Variants in COL14A1 observed in about 807,000 individuals in gnomAD.
COL14A1 encodes collagen type XIV alpha 1 chain.
COL14A1 carries 136 observed loss-of-function variants against 230.3 expected under a neutral mutation model. The ratio of observed to expected loss-of-function variants is 0.59; its 90% CI spans 0.51 to 0.68. The LOEUF is 0.68. Ranked by LOEUF, COL14A1 falls within the 30% of genes least tolerant of loss-of-function variation. The pLI is 0.00. For synonymous variants in COL14A1, 792 were observed against 784.1 expected, an observed-to-expected ratio of 1.01 and a Z score of -0.17; for missense variants, 1,976 against 2,215.8, an observed-to-expected ratio of 0.89 and a Z score of 2.17.
intron 5 of COL14A1, among the ~76,000 whole-genome samples, chr8:120,193,435 G>A (rs949512123): frequency 6.6e-6 from 1 of 152,182 alleles, no homozygotes; most frequent in Non-Finnish European, 1.5e-5. Flanking sequence ...AACAGGCCAT[G>A]TGAGGTGTCA....
Position 120,298,238 on chromosome 8 carries a change from G to A in COL14A1, c.4314+650G>A, listed in dbSNP as rs113845131. Among the ~76,000 whole-genome samples the A allele has an allele frequency of 2.9e-3, 445 of 151,918 alleles. 3 individuals are homozygous for A. The highest frequency in any genetic ancestry group is 0.01 in the Middle Eastern group (3 of 294). Reference sequence around the variant, plus strand: ...TGCAAAATCTAATGTTGAAACTGCAGACTACCTTGAGCCTGTCATTCACAC... The same window carrying A: ...TGCAAAATCTAATGTTGAAACTGCAAACTACCTTGAGCCTGTCATTCACAC... On this transcript the variant is annotated intron_variant, in intron 35 of 47. Transcript: ENST00000297848.
At chr8:120,363,158 C>G (rs541374653) in intron 45 of COL14A1, among the ~76,000 whole-genome samples, 1 of 152,226 alleles carries the variant, frequency 6.6e-6, no homozygotes, top group African/African-American at 2.4e-5. Flanking sequence ...CTATTCACAA[C>G]AGCAAAGACA....
At chr8:120,366,337 A>G (rs1017369590) in intron 45 of COL14A1, among the ~76,000 whole-genome samples, 1 of 152,204 alleles carries the variant, frequency 6.6e-6, no homozygotes, top group Non-Finnish European at 1.5e-5. Flanking sequence ...CTCAGTAGGT[A>G]TAATTAAACA....
chr8:120,350,352 C>T (rs1822704090), intron 45 of COL14A1, among the ~76,000 whole-genome samples: 1 of 141,562 alleles, frequency 7.1e-6, no homozygotes, highest in Non-Finnish European at 1.5e-5. Context: ...CACCAGCTAA[C>T]ATCATAATGA....
At chr8:120,169,317 T>A (rs909084064) in intron 5 of COL14A1, among the ~76,000 whole-genome samples, 5 of 152,204 alleles carry the variant, frequency 3.3e-5, no homozygotes, top group African/African-American at 1.2e-4. Context: ...TCGACTTAAA[T>A]TTTTTTCAGT....
rs1812180454 is a variant in COL14A1, at chr8:120,372,119, G to A, written c.*888G>A. Reference sequence around the variant, plus strand: ...CTGAGTGTCCACCAGAAAGACAACAGTTGTCTTCCTTTAGGTAAGCATTCA... The same window carrying A: ...CTGAGTGTCCACCAGAAAGACAACAATTGTCTTCCTTTAGGTAAGCATTCA... On this transcript the variant is annotated 3_prime_UTR_variant, in exon 48 of 48. Transcript: ENST00000297848. The A allele has an allele frequency of 6.5e-6, 1 of 152,712 alleles. No homozygotes were observed. Among genetic ancestry groups the A allele is most frequent in the Non-Finnish European group, 1.5e-5 (1 of 68,404 alleles). 9.5% of individuals were successfully genotyped at this position (152,712 alleles called of 1,614,324 possible).
intron 36 of COL14A1, among the ~76,000 whole-genome samples, chr8:120,308,554 G>A (rs1820923560): frequency 6.6e-6 from 1 of 152,184 alleles, no homozygotes; most frequent in Admixed American, 6.5e-5. Context: ...TATAGATATA[G>A]ATGCACATAA....
intron 14 of COL14A1, among the ~76,000 whole-genome samples, chr8:120,222,140 T>A (rs983048249): frequency 1.3e-5 from 2 of 152,188 alleles, no homozygotes; most frequent in Non-Finnish European, 2.9e-5. Flanking sequence ...ATTTTTGGAA[T>A]CACATTTTTC....
chr8:120,297,215 T>G (rs1820555819), intron 34 of COL14A1, among the ~76,000 whole-genome samples: 2 of 151,828 alleles, frequency 1.3e-5, no homozygotes, highest in African/African-American at 4.8e-5. Flanking sequence ...GTGATGGGCT[T>G]TGTAAGGAAG....
intron 5 of COL14A1, among the ~76,000 whole-genome samples, chr8:120,193,681 T>C (rs991091290): frequency 6.6e-6 from 1 of 152,222 alleles, no homozygotes; most frequent in African/African-American, 2.4e-5. Context: ...GCAGGCCTCC[T>C]TGAGCTGTAG....
intron 1 of COL14A1, among the ~76,000 whole-genome samples, chr8:120,136,236 G>C (rs140879700): frequency 2.1e-3 from 322 of 152,158 alleles, no homozygotes; most frequent in African/African-American, 7.3e-3. Context: ...TACTAGCTAT[G>C]GAGTTTTCAT....
intron 1 of COL14A1, among the ~76,000 whole-genome samples, chr8:120,141,970 C>A (rs754363307): frequency 2.0e-5 from 3 of 152,092 alleles, no homozygotes; most frequent in Non-Finnish European, 2.9e-5. Flanking sequence ...TGGGCTCAAG[C>A]GATCTTCCTG....
At chr8:120,200,248 A>G (rs529832212) in intron 8 of COL14A1, among the ~76,000 whole-genome samples, 46 of 152,192 alleles carry the variant, frequency 3.0e-4, no homozygotes, top group Admixed American at 9.8e-4. Context: ...TATAACAGCG[A>G]ATTCCTTAAT....
chr8:120,366,845 C>T (rs926620852), intron 45 of COL14A1, among the ~76,000 whole-genome samples: 3 of 152,332 alleles, frequency 2.0e-5, no homozygotes, highest in African/African-American at 7.2e-5. Flanking sequence ...GGAGTGCCAG[C>T]TGCATAAGTC....
intron 37 of COL14A1, among the ~76,000 whole-genome samples, chr8:120,310,320 C>T (rs994700998): frequency 3.3e-5 from 5 of 152,116 alleles, no homozygotes; most frequent in Admixed American, 1.3e-4. Context: ...GGTTTAGTCT[C>T]CAAGGTAGTT....
At chr8:120,136,048 G>A (rs36107869) in intron 1 of COL14A1, among the ~76,000 whole-genome samples, 16,802 of 152,062 alleles carry the variant, frequency 0.11, 1,155 homozygotes, top group Middle Eastern at 0.21. Context: ...TGTTGATTGT[G>A]AATAGAGTCA....
intron 5 of COL14A1, among the ~76,000 whole-genome samples, chr8:120,190,312 G>T (rs1437289037): frequency 6.6e-6 from 1 of 152,100 alleles, no homozygotes; most frequent in African/African-American, 2.4e-5. Flanking sequence ...CGTGTCCTTC[G>T]CCCACTTTTT....
upstream of COL14A1, chr8:120,125,052 C>T (rs1022154275): frequency 7.9e-5 from 12 of 152,594 alleles, no homozygotes; most frequent in African/African-American, 1.4e-4. Context: ...CACCTCCCGC[C>T]TCCGCGGCCA....
intron 25 of COL14A1, 82 bp from the exon 26 acceptor site, chr8:120,269,953 G>A (rs1819609573): frequency 2.8e-6 from 4 of 1,440,326 alleles, no homozygotes; most frequent in Admixed American, 1.9e-5. Flanking sequence ...TTAGCAGAGG[G>A]CAACCATTAT....
Sources: allele counts gnomAD v4.1 joint callset (sites outside exome capture counted in the v4.1 genomes callset), GRCh38; gene constraint gnomAD v4.1.1; transcripts MANE v1.5; gene names NCBI Gene and HGNC (gene_info 2026-07-23, HGNC 2026-07-21).